The following C2CD2L variants were observed in gnomAD, a reference collection of about 807,000 sequenced individuals.
C2CD2L encodes the protein C2CD2 like.
C2CD2L carries 24 observed loss-of-function variants against 69.9 expected under a neutral mutation model. The ratio of observed to expected loss-of-function variants is 0.34; its 90% confidence interval spans 0.25 to 0.48. The LOEUF (loss-of-function observed/expected upper bound fraction) is 0.48, where lower values mean the gene tolerates loss of function less well. Among genes scored for constraint, C2CD2L ranks in the 20% least tolerant of loss-of-function variants. The pLI is 0.99. For missense variants in C2CD2L, 811 were observed against 941.5 expected (o/e 0.86, Z 1.81); for synonymous variants, 367 against 391.0 (o/e 0.94, Z 0.72).
Position 119,116,066 on chromosome 11 carries a change from C to T in C2CD2L, c.1931C>T (p.Thr644Ile). The T allele has an allele frequency of 6.2e-7, 1 of 1,614,006 alleles. No individual in the cohort carries two copies. Among genetic ancestry groups the T allele is most frequent in the Non-Finnish European group, 8.5e-7 (1 of 1,180,028 alleles). ...GCAGTGAGTTTCCTGCGCAGCGGCA[C>T]TAAGCTCATCTTCCGCCGGAGGCCT... ...DHKVSFLRSG[T>I]KLIFRRRPRQ... Residue 644 changes from threonine to isoleucine, a missense_variant, in exon 14 of 14, where the codon ACT becomes ATT. Thr to Ile is a moderately conservative substitution (Grantham distance 89). Transcript: ENST00000648610.
At position 119,116,358 on chromosome 11, in the gene C2CD2L, G is replaced by A; in HGVS notation, c.*102G>A. ...AGTGCCTGGGCCAGGAAAGCCCTCT[G>A]GGTTCCGGGAAGCCCCGTCCACCCT... On this transcript the variant is annotated 3_prime_UTR_variant, in exon 14 of 14. Transcript: ENST00000648610. 1 of 1,006,874 alleles carries A rather than the reference G, an allele frequency of 9.9e-7. No individual in the cohort carries two copies. Among genetic ancestry groups the A allele is most frequent in the Non-Finnish European group, 1.5e-6 (1 of 669,800 alleles). The allele number at this position is 1,006,874 out of a possible 1,614,324, so 62.4% of individuals were successfully genotyped here. A position where few individuals can be genotyped will look rare whatever the true frequency, so the allele number is the denominator to read the frequency against.
chr11:119,113,414 G>A (rs1946800999), intron 10 of C2CD2L, 197 bp from the exon 11 acceptor site: 2 of 706,476 alleles, frequency 2.8e-6, no homozygotes, highest in South Asian at 2.1e-5. Context: ...AGGCCCCATG[G>A]CACTTTCCTA....
chr11:119,115,403 AG>A (rs557704273), intron 13 of C2CD2L: 2 of 152,424 alleles, frequency 1.3e-5, no homozygotes, highest in Non-Finnish European at 2.9e-5. Flanking sequence ...AAAAGATGAG[AG>A]GCTCACCCTA....
chr11:119,108,541 C>T (rs551427778), intron 1 of C2CD2L, among the ~76,000 whole-genome samples: 11 of 152,292 alleles, frequency 7.2e-5, no homozygotes, highest in African/African-American at 2.6e-4. Context: ...ACCCCCCTAC[C>T]CGACAGTAAT....
At chr11:119,115,789 C>T (rs542932108) in intron 13 of C2CD2L, 2 of 585,376 alleles carry the variant, frequency 3.4e-6, no homozygotes, top group African/African-American at 3.7e-5. Flanking sequence ...TACACAGATC[C>T]CCACAAGTAC....
chr11:119,107,985 G>C lies in C2CD2L; in HGVS notation c.244G>C (p.Glu82Gln). 4 of 1,563,222 alleles carry C rather than the reference G, an allele frequency of 2.6e-6. No individual in the cohort carries two copies. In the South Asian group the frequency reaches 3.5e-5, roughly 14 times the overall value. The stretch of plus-strand genomic sequence containing the variant: ...GGCGACTCGGGCTGGCGCCGCCGAG[G>C]AGCCAGGAGTCCGGGGCCTCCTGGC... ...LRATRAGAAE[E>Q]PGVRGLLASL... The change falls in exon 1 of 14, where the codon GAG becomes CAG. Residue 82 changes from glutamate (E) to glutamine (Q), a missense_variant. Physicochemically the swap from Glu to Gln is conservative, Grantham distance 29. Transcript: ENST00000648610. The surrounding 1 kb of genome is among the most constrained non-coding windows in gnomAD (Gnocchi z 5.4).
In C2CD2L at chr11:119,110,047, C is replaced by A; in HGVS notation, c.355-57C>A. The A allele has an allele frequency of 7.6e-7, 1 of 1,323,928 alleles. No homozygotes were observed. The highest frequency in any genetic ancestry group is 1.1e-6 in the Non-Finnish European group (1 of 915,690). 82.0% of individuals were successfully genotyped at this position (1,323,928 alleles called of 1,614,324 possible). A position where few individuals can be genotyped will look rare whatever the true frequency, so the allele number is the denominator to read the frequency against. On this transcript the variant is annotated intron_variant, in intron 1 of 13. Transcript: ENST00000648610. The surrounding 1 kb of genome is among the most constrained non-coding windows in gnomAD (Gnocchi z 5.7). ...GAGTCCAGCCAGCAACTGAGCAGGC[C>A]AACCCTGTGGGGGGCAGCTCCAGAG... is the stretch of plus-strand genomic sequence containing the variant.
Position 119,109,068 on chromosome 11 carries a change from C to T in C2CD2L, c.354+973C>T, listed in dbSNP as rs1004015311. ...TCATCCAACTCTCCCTGTACCTTGT[C>T]CCTCGGTCAGAAGCAACTCCCCAGG... On this transcript the variant is annotated intron_variant, in intron 1 of 13. Coordinates refer to ENST00000648610, the MANE Select transcript of C2CD2L (RefSeq NM_001290474.2). This position sits in a 1 kb window ranked among gnomAD's most constrained non-coding sequence, Gnocchi z 5.1. Among the ~76,000 whole-genome samples the T allele has an allele frequency of 6.6e-6, 1 of 152,210 alleles. No homozygotes were observed. Among genetic ancestry groups the T allele is most frequent in the Non-Finnish European group, 1.5e-5 (1 of 68,036 alleles).
rs11314104 is a variant in C2CD2L, at chr11:119,114,637, T to TA, written c.1909+281dup. ...TCTAAGTGCCATTTTTCCTGCCCTT[T>TA]AAAAAAAAATTATAAAAATTTATTC... On this transcript the variant is annotated intron_variant, in intron 13 of 13. Transcript: ENST00000648610. The surrounding 1 kb of genome is among the most constrained non-coding windows in gnomAD (Gnocchi z 5.1). 34 of 418,804 alleles carry TA rather than the reference T, an allele frequency of 8.1e-5. No individual in the cohort carries two copies. The highest frequency in any genetic ancestry group is 3.3e-4 in the East Asian group (7 of 21,246). 25.9% of individuals were successfully genotyped at this position (418,804 alleles called of 1,614,324 possible). A position where few individuals can be genotyped will look rare whatever the true frequency, so the allele number is the denominator to read the frequency against.
intron 8 of C2CD2L, 35 bp downstream of exon 8, chr11:119,112,427 G>C (rs746649703): frequency 1.2e-6 from 2 of 1,613,720 alleles, no homozygotes; most frequent in African/African-American, 2.7e-5. Flanking sequence ...CCCTGGGTGG[G>C]TACAGAGTGG....
At chr11:119,112,189 A>G (rs1309789357) in intron 7 of C2CD2L, 139 bp from the exon 8 acceptor site, 2 of 717,756 alleles carry the variant, frequency 2.8e-6, no homozygotes, top group Non-Finnish European at 4.6e-6. Context: ...GAGAATTTGG[A>G]GGCCAGGAGA....
rs1171145422 is a variant in C2CD2L, at chr11:119,107,773, G to A, written c.32G>A (p.Gly11Asp). ...CCGGGCTGGGGGCAGCGGGACGTGG[G>A]CTGGGCGGCCTTGCTGATCCTCTTC... MDPGWGQRDV[G>D]WAALLILFAA... The change falls in exon 1 of 14, where the codon GGC becomes GAC. Residue 11 changes from glycine to aspartate, a missense_variant. Physicochemically the swap from Gly to Asp is moderately conservative, Grantham distance 94. Coordinates refer to ENST00000648610, the MANE Select transcript of C2CD2L (RefSeq NM_001290474.2). This position sits in a 1 kb window ranked among gnomAD's most constrained non-coding sequence, Gnocchi z 5.4. 1.3e-6 allele frequency: 2 copies of A among 1,542,256 alleles called. No homozygotes were observed. The highest frequency in any genetic ancestry group is 2.0e-5 in the Admixed American group (1 of 51,042).
chr11:119,116,287 T>C lies in C2CD2L; in HGVS notation c.*31T>C. 1 of 1,526,928 alleles carries C rather than the reference T, an allele frequency of 6.5e-7. No individual in the cohort carries two copies. 94.6% of individuals were successfully genotyped at this position (1,526,928 alleles called of 1,614,324 possible). ...CAGCTCTGAAAGGGCACGAGTTCTC[T>C]CAGCCCATTCCCCACCTCCCCTTCC... is the stretch of plus-strand genomic sequence containing the variant. On this transcript the variant is annotated 3_prime_UTR_variant, in exon 14 of 14. Transcript: ENST00000648610.
intron 13 of C2CD2L, chr11:119,115,738 C>T: frequency 2.1e-6 from 1 of 468,988 alleles, no homozygotes; most frequent in Admixed American, 3.7e-5. Context: ...CACAAAGCGG[C>T]CAGCTCCGTG....
Position 119,107,599 on chromosome 11 carries a change from G to A in C2CD2L, c.-143G>A. On this transcript the variant is annotated 5_prime_UTR_variant, in exon 1 of 14. Transcript: ENST00000648610. This position sits in a 1 kb window ranked among gnomAD's most constrained non-coding sequence, Gnocchi z 5.4. The stretch of plus-strand genomic sequence containing the variant: ...TCGCCCTGTGGCACCCACTAGTCCT[G>A]GGCACTCAGCCGCGGAGAGCCCCCG... 1 of 465,666 alleles carries A rather than the reference G, an allele frequency of 2.1e-6. No individual in the cohort carries two copies. Among genetic ancestry groups the A allele is most frequent in the Non-Finnish European group, 3.7e-6 (1 of 272,460 alleles). 28.8% of individuals were successfully genotyped at this position (465,666 alleles called of 1,614,324 possible).
rs184220376 is a variant in C2CD2L at position 119,116,788 on chromosome 11, T to C, written c.*532T>C. On this transcript the variant is annotated 3_prime_UTR_variant, in exon 14 of 14. Transcript: ENST00000648610. ...CACCAGTGTCTGCCTCTGAGAATGTTGGCAGCTCACAGAGAGCAGGGCCGG... is the reference window on the plus strand; with the variant it reads ...CACCAGTGTCTGCCTCTGAGAATGTCGGCAGCTCACAGAGAGCAGGGCCGG... The C allele has an allele frequency of 6.6e-4, 103 of 155,874 alleles. 1 individual carries two copies. In the East Asian group the frequency reaches 0.012, roughly 18 times the overall value. 9.7% of individuals were successfully genotyped at this position (155,874 alleles called of 1,614,324 possible).
intron 1 of C2CD2L, among the ~76,000 whole-genome samples, chr11:119,108,714 C>G (rs1373263823): frequency 2.0e-5 from 3 of 152,186 alleles, no homozygotes; most frequent in African/African-American, 7.2e-5. Flanking sequence ...AGCCTACTTC[C>G]TCCCATTGCA....
At chr11:119,102,283 A>C, upstream of C2CD2L, 1 of 473,794 alleles carries the variant, frequency 2.1e-6, no homozygotes, top group South Asian at 1.5e-5. Flanking sequence ...GAAGATGGCT[A>C]TTGAAAGGCA....
chr11:119,111,600 C>T lies in C2CD2L; in HGVS notation c.990C>T (p.Ser330=), dbSNP rs767078982. The T allele has an allele frequency of 6.8e-6, 11 of 1,613,734 alleles. No individual in the cohort carries two copies. Among genetic ancestry groups the T allele is most frequent in the African/African-American group, 4.0e-5 (3 of 74,948 alleles). The change falls in exon 7 of 14, where the codon TCC becomes TCT. Residue 330 remains serine, a synonymous_variant. Transcript: ENST00000648610. ...QKWTKPARAG[S]EVEWTEDLAL... is the part of the protein sequence containing the mutation. ...GGACCAAGCCCGCGAGGGCTGGATC[C>T]GAGGTGGAGTGGACAGAAGACCTGG...
Sources: allele counts gnomAD v4.1 joint callset (sites outside exome capture counted in the v4.1 genomes callset), GRCh38; gene constraint gnomAD v4.1.1; non-coding constraint Gnocchi (gnomAD v3.1); transcripts MANE v1.5; gene names NCBI Gene and HGNC (gene_info 2026-07-23, HGNC 2026-07-21).